Variants in NOMO1 observed in about 807,000 individuals in gnomAD.
NOMO1 encodes NODAL modulator 1.
A neutral mutation model predicts 133.8 loss-of-function variants in NOMO1; 40 were observed. That is an observed-to-expected ratio of 0.30 (90% CI 0.23 to 0.39). The LOEUF (loss-of-function observed/expected upper bound fraction) is 0.39. NOMO1 is among the 10% of genes least tolerant of loss of function. NOMO1 has a pLI of 1.00. For synonymous variants in NOMO1, 236 were observed against 570.5 expected, an observed-to-expected ratio of 0.41 and a Z score of 8.36; for missense variants, 462 against 1,419.9, an observed-to-expected ratio of 0.33 and a Z score of 10.84.
chr16:14,892,268 A>G (rs1431681527), intron 29 of NOMO1, among the ~76,000 whole-genome samples: 1 of 151,830 alleles, frequency 6.6e-6, no homozygotes, highest in Non-Finnish European at 1.5e-5. Flanking sequence ...AGTGCCAGAA[A>G]GATAAGCATA....
rs755604020 is a variant in NOMO1 at position 14,846,643 on chromosome 16, G to A, written c.469G>A (p.Glu157Lys). ...VQVSLRNTGT[E>K]AKIQSTVTQP... ...GGTGTCTCTGAGAAACACTGGGACC[G>A]AAGCAAAGATCCAGTCCACAGTTAC... The change falls in exon 5 of 31, where the codon GAA becomes AAA. Residue 157 changes from glutamate (E) to lysine (K), a missense_variant. Coordinates refer to ENST00000287667, the MANE Select transcript of NOMO1 (RefSeq NM_014287.4). 9.6e-5 allele frequency: 131 copies of A among 1,366,266 alleles called. No homozygotes were observed. The highest frequency in any genetic ancestry group is 3.3e-4 in the Admixed American group (17 of 51,018). The allele number at this position is 1,366,266 out of a possible 1,614,324, so 84.6% of individuals were successfully genotyped here. A position where few individuals can be genotyped will look rare whatever the true frequency, so the allele number is the denominator to read the frequency against.
intron 14 of NOMO1, 71 bp from the exon 15 acceptor site, chr16:14,866,484 G>C: frequency 6.2e-7 from 1 of 1,609,724 alleles, no homozygotes; most frequent in Non-Finnish European, 8.5e-7. Flanking sequence ...CATGATCATT[G>C]TTTCTGGTGG....
rs1964497240 is a variant in NOMO1 at position 14,896,068 on chromosome 16, C to A, written c.*423C>A. ...CTGTTTTCTTCACTTCCCTTTGCAT[C>A]TGAGATCCTGCTGGAAACCACAGCA... On this transcript the variant is annotated 3_prime_UTR_variant, in exon 31 of 31. Transcript: ENST00000287667. 1 of 1,611,906 alleles carries A rather than the reference C, an allele frequency of 6.2e-7. No homozygotes were observed. Among genetic ancestry groups the A allele is most frequent in the Admixed American group, 1.7e-5 (1 of 59,994 alleles).
At position 14,864,518 on chromosome 16, in the gene NOMO1, C is replaced by T. The variant is rs1414339458; in HGVS notation, c.1396-67C>T. On this transcript the variant is annotated intron_variant, in intron 12 of 30. Transcript: ENST00000287667. ...CCTTGGTCCCAGATGAATGTTCTAGCGCCCTGTAGGTCAGGGGGAAGATCT... is the reference window on the plus strand; with the variant it reads ...CCTTGGTCCCAGATGAATGTTCTAGTGCCCTGTAGGTCAGGGGGAAGATCT... The T allele has an allele frequency of 1.5e-5, 24 of 1,602,162 alleles. 1 individual carries two copies. The highest frequency in any genetic ancestry group is 1.8e-5 in the Non-Finnish European group (21 of 1,173,770).
intron 13 of NOMO1, 145 bp from the exon 14 acceptor site, chr16:14,864,879 C>G: frequency 8.3e-7 from 1 of 1,205,322 alleles, no homozygotes; most frequent in Non-Finnish European, 1.2e-6. Context: ...TGCATGTTAG[C>G]TTGAAAGAAG....
At chr16:14,882,769 G>A in intron 26 of NOMO1, 92 bp downstream of exon 26, 3 of 1,601,256 alleles carry the variant, frequency 1.9e-6, no homozygotes, top group Non-Finnish European at 2.6e-6. Context: ...CCTTTCATCT[G>A]TGGCGGGGGG....
At chr16:14,885,381 G>T (rs980910075) in intron 27 of NOMO1, among the ~76,000 whole-genome samples, 1 of 151,734 alleles carries the variant, frequency 6.6e-6, no homozygotes. Flanking sequence ...CTAGATTTTG[G>T]ACTCAGAGAC....
At chr16:14,886,695 T>C (rs1289607326) in intron 27 of NOMO1, 66 bp from the exon 28 acceptor site, 39 of 1,610,278 alleles carry the variant, frequency 2.4e-5, no homozygotes, top group Non-Finnish European at 2.0e-5. Flanking sequence ...GTCCTGAGGA[T>C]GTCTGCTATG....
At chr16:14,882,533 G>A (rs1312912177) in intron 25 of NOMO1, 61 bp from the exon 26 acceptor site, 1 of 1,611,030 alleles carries the variant, frequency 6.2e-7, no homozygotes, top group Non-Finnish European at 8.5e-7. Flanking sequence ...AACCAGGCTT[G>A]GACCAGGCAC....
intron 22 of NOMO1, among the ~76,000 whole-genome samples, 163 bp from the exon 23 acceptor site, chr16:14,878,558 C>T: frequency 7.7e-6 from 1 of 129,750 alleles, no homozygotes; most frequent in East Asian, 2.6e-4. Flanking sequence ...ACAAAACTTA[C>T]AACAGTAGTT....
At chr16:14,850,676 T>C (rs1312596449) in intron 6 of NOMO1, among the ~76,000 whole-genome samples, 2 of 151,750 alleles carry the variant, frequency 1.3e-5, no homozygotes, top group Non-Finnish European at 2.9e-5. Flanking sequence ...TTATTTTTAC[T>C]CTGTAGGTTT....
At chr16:14,859,595 G>C (rs989476108) in intron 11 of NOMO1, among the ~76,000 whole-genome samples, 2 of 151,932 alleles carry the variant, frequency 1.3e-5, no homozygotes, top group African/African-American at 2.4e-5. Context: ...TGGGCGGATC[G>C]ATTGAGCCCA....
In NOMO1 at chr16:14,892,305, G is replaced by A. The variant is rs947634807; in HGVS notation, c.3445-2693G>A. Among the ~76,000 whole-genome samples, 78 of 151,890 alleles carry A rather than the reference G, an allele frequency of 5.1e-4. 1 individual carries two copies. The highest frequency in any genetic ancestry group is 5.1e-3 in the Admixed American group (78 of 15,258). The stretch of plus-strand genomic sequence containing the variant: ...ACAAGAACCACTTACCTTTGCTTGG[G>A]GCTGCACTGTGGCCCCAGTTGCTGG... On this transcript the variant is annotated intron_variant, in intron 29 of 30. Transcript: ENST00000287667.
At chr16:14,850,682 G>T (rs1341173698) in intron 6 of NOMO1, among the ~76,000 whole-genome samples, 1 of 151,536 alleles carries the variant, frequency 6.6e-6, no homozygotes, top group African/African-American at 2.4e-5. Flanking sequence ...TTACTCTGTA[G>T]GTTTTACGCA....
intron 26 of NOMO1, among the ~76,000 whole-genome samples, chr16:14,883,565 C>T (rs1031898107): frequency 1.3e-5 from 2 of 151,884 alleles, no homozygotes; most frequent in East Asian, 1.9e-4. Flanking sequence ...CTCCTGACCT[C>T]AGGTGATCTG....
chr16:14,875,601 GT>G (rs1370232446), intron 20 of NOMO1, among the ~76,000 whole-genome samples, 179 bp downstream of exon 20: 5 of 151,106 alleles, frequency 3.3e-5, no homozygotes, highest in African/African-American at 1.2e-4. Context: ...GGATGGTTGG[GT>G]TGGATGGATG....
At chr16:14,860,648 T>C (rs932525745) in intron 11 of NOMO1, among the ~76,000 whole-genome samples, 2 of 151,918 alleles carry the variant, frequency 1.3e-5, no homozygotes, top group Non-Finnish European at 2.9e-5. Flanking sequence ...GTTACAGGTT[T>C]CTTATTTGAG....
intron 15 of NOMO1, among the ~76,000 whole-genome samples, chr16:14,867,307 C>CCCCCCGA (rs1486697366): frequency 2.1e-5 from 2 of 94,574 alleles, no homozygotes; most frequent in Non-Finnish European, 4.6e-5. Flanking sequence ...CCTGCTTCAG[C>CCCCCCGA]CCCCCGAGTA....
At chr16:14,886,174 G>T (rs1964320916) in intron 27 of NOMO1, among the ~76,000 whole-genome samples, 1 of 151,734 alleles carries the variant, frequency 6.6e-6, no homozygotes, top group South Asian at 2.1e-4. Flanking sequence ...GTACTCCAGT[G>T]CCTCCTGAAG....
Sources: gnomAD v4.1 joint callset for allele counts (sites outside exome capture counted in the v4.1 genomes callset) on GRCh38, gnomAD v4.1.1 for gene constraint, MANE v1.5 for transcripts, NCBI Gene and HGNC (gene_info 2026-07-23, HGNC 2026-07-21) for gene names.